The following ZNF618 variants were observed in gnomAD, a reference collection of about 807,000 sequenced individuals.
ZNF618 encodes the protein zinc finger protein 618, also known as neural precursor cell expressed, developmentally down-regulated 10.
In ZNF618, 34 loss-of-function variants were observed where a neutral mutation model predicts 103.0. That is an observed-to-expected ratio of 0.33 (90% CI 0.25 to 0.44). ZNF618 has a LOEUF of 0.44. Ranked by LOEUF, ZNF618 falls within the 20% of genes least tolerant of loss-of-function variation. The pLI, the probability that ZNF618 is intolerant of heterozygous loss-of-function variation, is 1.00. For missense variants in ZNF618, 1,059 were observed against 1,295.4 expected (o/e 0.82, Z 2.80); for synonymous variants, 551 against 542.2 (o/e 1.02, Z -0.23).
intron 13 of ZNF618, among the ~76,000 whole-genome samples, chr9:114,037,201 G>A (rs1282768484): frequency 6.6e-6 from 1 of 152,086 alleles, no homozygotes; most frequent in Non-Finnish European, 1.5e-5. Flanking sequence ...CCACATTATA[G>A]CCCAATGCAC....
In ZNF618 at chr9:114,050,167, A is replaced by G. The variant is rs371100311; in HGVS notation, c.2865A>G (p.Ter955=). 5.8e-6 allele frequency: 9 copies of G among 1,540,320 alleles called. No individual in the cohort carries two copies. In the African/African-American group the frequency reaches 1.2e-4, roughly 21 times the overall value. Residue 955 remains the stop codon, a stop_retained_variant, in exon 15 of 15, where the codon TAA becomes TAG. Transcript: ENST00000374126. ...TGTTTCTGAAATCCAACATGCTTTA[A>G]GACTTGACTTCGGGGGAAAAAAAAA... ...KLMFLKSNML[*]
At chr9:113,945,270 C>T (rs1834912678) in intron 1 of ZNF618, among the ~76,000 whole-genome samples, 1 of 152,160 alleles carries the variant, frequency 6.6e-6, no homozygotes, top group Non-Finnish European at 1.5e-5. Flanking sequence ...GGTTAAATAC[C>T]AGTTTTTCAG....
At chr9:114,030,899 C>G (rs1005474124) in intron 11 of ZNF618, 1 of 152,182 alleles carries the variant, frequency 6.6e-6, no homozygotes, top group Non-Finnish European at 1.5e-5. Flanking sequence ...AGTTTACCAG[C>G]ATGCTGGTCA....
At chr9:113,953,509 A>G (rs1366240211) in intron 1 of ZNF618, among the ~76,000 whole-genome samples, 1 of 152,204 alleles carries the variant, frequency 6.6e-6, no homozygotes, top group African/African-American at 2.4e-5. Flanking sequence ...TGCATGTGGT[A>G]TTTGTTAGTG....
At chr9:114,047,774 C>A in intron 13 of ZNF618, 119 bp from the exon 14 acceptor site, 2 of 771,864 alleles carry the variant, frequency 2.6e-6, no homozygotes, top group Non-Finnish European at 4.2e-6. Flanking sequence ...GGATTTTAAC[C>A]CAGGCCTGAG....
chr9:114,043,426 G>A (rs2134519579), intron 13 of ZNF618, among the ~76,000 whole-genome samples: 1 of 152,268 alleles, frequency 6.6e-6, no homozygotes, highest in South Asian at 2.1e-4. Flanking sequence ...AGCCATCCTA[G>A]TGCATGTGAA....
chr9:113,980,083 CAT>C (rs1838840710), intron 2 of ZNF618, among the ~76,000 whole-genome samples: 1 of 152,098 alleles, frequency 6.6e-6, no homozygotes, highest in African/African-American at 2.4e-5. Context: ...CTGGTATATT[CAT>C]AGTCGGGAGT....
At chr9:114,047,626 A>C (rs945474132) in intron 13 of ZNF618, among the ~76,000 whole-genome samples, 4 of 152,106 alleles carry the variant, frequency 2.6e-5, no homozygotes, top group African/African-American at 9.7e-5. Flanking sequence ...TCCATACCAC[A>C]CACTGTGCTC....
chr9:113,876,935 G>GT (rs1018826385), intron 1 of ZNF618, among the ~76,000 whole-genome samples: 1 of 147,886 alleles, frequency 6.8e-6, no homozygotes, highest in South Asian at 2.2e-4. Context: ...TCAAACGGTA[G>GT]TTTTTTCCCA....
chr9:113,889,660 G>A (rs1167342148), intron 1 of ZNF618, among the ~76,000 whole-genome samples: 2 of 152,116 alleles, frequency 1.3e-5, no homozygotes. Context: ...GCCATCTTTG[G>A]AAAACAAGGG....
intron 1 of ZNF618, among the ~76,000 whole-genome samples, chr9:113,906,273 A>G (rs1487606671): frequency 1.3e-5 from 2 of 151,978 alleles, no homozygotes; most frequent in African/African-American, 4.8e-5. Flanking sequence ...GGTTGTGGGG[A>G]TAGATGATGA....
chr9:114,005,175 A>C (rs1841623084), intron 6 of ZNF618, among the ~76,000 whole-genome samples: 1 of 152,198 alleles, frequency 6.6e-6, no homozygotes, highest in Admixed American at 6.5e-5. Context: ...TGCCGCACTT[A>C]TACCTGGTAG....
intron 1 of ZNF618, among the ~76,000 whole-genome samples, chr9:113,927,045 C>T (rs1833162328): frequency 6.6e-6 from 1 of 152,052 alleles, no homozygotes; most frequent in African/African-American, 2.4e-5. Context: ...AATAAATTCC[C>T]AAGTCTATGT....
intron 13 of ZNF618, among the ~76,000 whole-genome samples, chr9:114,045,728 C>T (rs1159067046): frequency 1.3e-5 from 2 of 151,892 alleles, no homozygotes; most frequent in African/African-American, 4.8e-5. Flanking sequence ...ATTTCAGGAT[C>T]AGCTTGTCAG....
chr9:114,016,278 G>C, intron 9 of ZNF618: 1 of 975,564 alleles, frequency 1.0e-6, no homozygotes, highest in Non-Finnish European at 1.6e-6. Context: ...GGGGACCCCG[G>C]GTGTGGCCAC....
Position 113,951,607 on chromosome 9 carries a change from G to A in ZNF618, c.34-17510G>A, listed in dbSNP as rs200147930. Among the ~76,000 whole-genome samples the A allele has an allele frequency of 1.1e-4, 14 of 132,968 alleles. 1 individual carries two copies. The highest frequency in any genetic ancestry group is 1.9e-4 in the Non-Finnish European group (12 of 62,532). 87.2% of individuals were successfully genotyped at this position (132,968 alleles called of 152,430 possible). A position where few individuals can be genotyped will look rare whatever the true frequency, so the allele number is the denominator to read the frequency against. ...TGTGTGTGTGTGTGTGTATATATAT[G>A]TATATATATATATGTATATATACTC... On this transcript the variant is annotated intron_variant, in intron 1 of 14. Transcript: ENST00000374126.
rs1441640521 is a variant in ZNF618 at position 113,998,350 on chromosome 9, A to G, written c.429A>G (p.Ala143=). Residue 143 remains alanine, a synonymous_variant, in exon 4 of 15, where the codon GCA becomes GCG. Coordinates refer to ENST00000374126, the MANE Select transcript of ZNF618 (RefSeq NM_001318042.2). ...TWIFDQALRY[A]SGSYECGICG... ...TTTTTGACCAAGCATTGAGATATGC[A>G]TCTGGTACGTGATGGCCAAGGGGTA... 3.9e-6 allele frequency: 6 copies of G among 1,550,322 alleles called. No homozygotes were observed. Among genetic ancestry groups the G allele is most frequent in the Non-Finnish European group, 5.2e-6 (6 of 1,146,966 alleles).
intron 1 of ZNF618, among the ~76,000 whole-genome samples, chr9:113,928,501 C>T (rs1361290803): frequency 1.3e-5 from 2 of 152,136 alleles, no homozygotes; most frequent in Non-Finnish European, 2.9e-5. Context: ...AAAGCCAGAC[C>T]TGACGTATCT....
intron 1 of ZNF618, among the ~76,000 whole-genome samples, chr9:113,959,299 AG>A (rs1939209790): frequency 1.3e-5 from 2 of 152,254 alleles, no homozygotes; most frequent in African/African-American, 2.4e-5. Context: ...AAAAAAAAAA[AG>A]TGTTTTAAAA....
Sources: gnomAD v4.1 joint callset for allele counts (sites outside exome capture counted in the v4.1 genomes callset) on GRCh38, gnomAD v4.1.1 for gene constraint, MANE v1.5 for transcripts, NCBI Gene and HGNC (gene_info 2026-07-23, HGNC 2026-07-21) for gene names.